PDE5A: variants seen among roughly 807,000 people sequenced by gnomAD.
PDE5A encodes phosphodiesterase 5A, also known as cGMP-specific 3',5'-cyclic phosphodiesterase.
A neutral mutation model predicts 110.2 loss-of-function variants in PDE5A; 67 were observed. The observed-to-expected ratio is 0.61, with a 90% confidence interval of 0.50 to 0.75. PDE5A has a LOEUF of 0.75. Among genes scored for constraint, PDE5A ranks in the 30% least tolerant of loss-of-function variants. The pLI is 0.00. For synonymous variants in PDE5A, 328 were observed against 351.2 expected (o/e 0.93, Z 0.74); for missense variants, 862 against 1,045.1 (o/e 0.82, Z 2.42).
At chr4:119,611,979 A>G (rs1246271815) in intron 1 of PDE5A, among the ~76,000 whole-genome samples, 2 of 152,236 alleles carry the variant, frequency 1.3e-5, no homozygotes, top group African/African-American at 4.8e-5. Context: ...CTTAAGACTA[A>G]TATCTATACT....
chr4:119,519,636 A>AT (rs1015244889), intron 13 of PDE5A: 3 of 152,606 alleles, frequency 2.0e-5, no homozygotes, highest in African/African-American at 4.8e-5. Context: ...AATATAGGTT[A>AT]TTTTTTAGTA....
chr4:119,562,789 G>A (rs773678710), intron 6 of PDE5A, 44 bp downstream of exon 6: 1 of 1,448,876 alleles, frequency 6.9e-7, no homozygotes, highest in Non-Finnish European at 9.2e-7. Context: ...AGAAATATAA[G>A]TTTCTGTCTT....
chr4:119,559,412 T>C (rs955070389), intron 7 of PDE5A, among the ~76,000 whole-genome samples: 4 of 152,198 alleles, frequency 2.6e-5, no homozygotes, highest in Non-Finnish European at 4.4e-5. Flanking sequence ...TTTTGGACTT[T>C]TAATATGATT....
chr4:119,627,067 G>A lies in PDE5A; in HGVS notation c.152+1453C>T, dbSNP rs2953295. 209,848 of 1,496,636 alleles carry A rather than the reference G, an allele frequency of 0.14. 14,992 individuals carry two copies. Among genetic ancestry groups the A allele is most frequent in the Non-Finnish European group, 0.15 (162,369 of 1,086,244 alleles). 92.7% of individuals were successfully genotyped at this position (1,496,636 alleles called of 1,614,324 possible). ...GATACATCGTCCCACTGGTGCCACC[G>A]GGGCGCCACCACCCAGCACCCGAGA... On this transcript the variant is annotated intron_variant, in intron 1 of 20. Coordinates refer to ENST00000354960, the MANE Select transcript of PDE5A (RefSeq NM_001083.4). This position sits in a 1 kb window ranked among gnomAD's most constrained non-coding sequence, Gnocchi z 4.6.
chr4:119,509,269 T>G (rs1292206517), intron 15 of PDE5A, among the ~76,000 whole-genome samples: 1 of 152,082 alleles, frequency 6.6e-6, no homozygotes, highest in East Asian at 1.9e-4. Context: ...CAGGCCAGTC[T>G]GGCAGGTCTG....
At chr4:119,545,682 T>G (rs1339826873) in intron 9 of PDE5A, among the ~76,000 whole-genome samples, 1 of 152,174 alleles carries the variant, frequency 6.6e-6, no homozygotes, top group Non-Finnish European at 1.5e-5. Flanking sequence ...GCTTCTAAAA[T>G]TAAACAGTTA....
Position 119,498,380 on chromosome 4 carries a change from T to C in PDE5A, c.*221A>G, listed in dbSNP as rs999233172. The C allele has an allele frequency of 2.0e-6, 1 of 495,724 alleles. No homozygotes were observed. The highest frequency in any genetic ancestry group is 3.6e-6 in the Non-Finnish European group (1 of 278,130). 30.7% of individuals were successfully genotyped at this position (495,724 alleles called of 1,614,324 possible). On this transcript the variant is annotated 3_prime_UTR_variant, in exon 21 of 21. Coordinates refer to ENST00000354960, the MANE Select transcript of PDE5A (RefSeq NM_001083.4). ...TCAATGTGCTAACAGTGGATGTTGTTGATCCTTTCAGTTCAGTAGCATAAA... is the reference window on the plus strand; with the variant it reads ...TCAATGTGCTAACAGTGGATGTTGTCGATCCTTTCAGTTCAGTAGCATAAA...
chr4:119,546,831 T>G (rs111964364), intron 9 of PDE5A, among the ~76,000 whole-genome samples: 1 of 152,246 alleles, frequency 6.6e-6, no homozygotes, highest in Non-Finnish European at 1.5e-5. Context: ...GTTTATTCTT[T>G]GTTACTGTAG....
intron 11 of PDE5A, among the ~76,000 whole-genome samples, chr4:119,534,281 A>T (rs1234098548): frequency 1.3e-5 from 2 of 151,742 alleles, no homozygotes; most frequent in Non-Finnish European, 2.9e-5. Flanking sequence ...CTGGTTAGGA[A>T]CCAGGCCACA....
chr4:119,532,746 G>A (rs1726589098), intron 11 of PDE5A, among the ~76,000 whole-genome samples: 1 of 152,000 alleles, frequency 6.6e-6, no homozygotes, highest in Non-Finnish European at 1.5e-5. Flanking sequence ...TGCCTCATGA[G>A]AAAGGTCTAT....
At chr4:119,536,318 T>C (rs184371059) in intron 11 of PDE5A, among the ~76,000 whole-genome samples, 22 of 152,246 alleles carry the variant, frequency 1.4e-4, no homozygotes, top group African/African-American at 2.9e-4. Context: ...ACAACACATA[T>C]AATGATAGAG....
intron 11 of PDE5A, among the ~76,000 whole-genome samples, chr4:119,526,495 C>T (rs1000637099): frequency 2.6e-5 from 4 of 152,132 alleles, no homozygotes; most frequent in African/African-American, 9.7e-5. Context: ...TGACCTTGGA[C>T]CATTTACCCT....
chr4:119,579,790 T>C (rs2110520276), intron 3 of PDE5A, among the ~76,000 whole-genome samples: 1 of 151,824 alleles, frequency 6.6e-6, no homozygotes, highest in South Asian at 2.1e-4. Context: ...TGTATACATA[T>C]GTAACTAACC....
intron 11 of PDE5A, among the ~76,000 whole-genome samples, chr4:119,528,498 C>T (rs1285024145): frequency 1.3e-5 from 2 of 152,062 alleles, no homozygotes; most frequent in Non-Finnish European, 2.9e-5. Context: ...ACCATATTTA[C>T]ATTTCAGCAT....
chr4:119,607,364 T>C, intron 1 of PDE5A, 67 bp from the exon 2 acceptor site: 1 of 846,992 alleles, frequency 1.2e-6, no homozygotes, highest in Middle Eastern at 2.3e-4. Context: ...TGAGAGCTCC[T>C]AAACATCTTC....
At chr4:119,567,213 G>C in intron 3 of PDE5A, 69 bp from the exon 4 acceptor site, 2 of 1,161,220 alleles carry the variant, frequency 1.7e-6, no homozygotes, top group Non-Finnish European at 2.6e-6. Flanking sequence ...TCACCAAAAT[G>C]TATTTATAGA....
chr4:119,619,392 A>C (rs1730064261), intron 1 of PDE5A, among the ~76,000 whole-genome samples: 1 of 152,136 alleles, frequency 6.6e-6, no homozygotes, highest in Non-Finnish European at 1.5e-5. Context: ...CTCCGCCTTG[A>C]GTCTTCACCC....
intron 3 of PDE5A, among the ~76,000 whole-genome samples, chr4:119,571,211 G>A (rs75515944): frequency 6.6e-6 from 1 of 152,150 alleles, no homozygotes; most frequent in Non-Finnish European, 1.5e-5. Context: ...TCAAGTTATG[G>A]TAATATTCCA....
At chr4:119,571,196 A>G (rs1728130329) in intron 3 of PDE5A, among the ~76,000 whole-genome samples, 1 of 152,206 alleles carries the variant, frequency 6.6e-6, no homozygotes, top group Non-Finnish European at 1.5e-5. Context: ...AATCCTAAGG[A>G]ATCATCAAGT....
Sources: allele counts gnomAD v4.1 joint callset (sites outside exome capture counted in the v4.1 genomes callset), GRCh38; gene constraint gnomAD v4.1.1; non-coding constraint Gnocchi (gnomAD v3.1); transcripts MANE v1.5; gene names NCBI Gene and HGNC (gene_info 2026-07-23, HGNC 2026-07-21).